The following STON2 variants were observed in gnomAD, a reference collection of about 807,000 sequenced individuals.
The protein encoded by STON2 is stonin-2.
Under a neutral mutation model 65.7 loss-of-function variants are expected in STON2, and 29 were observed. The ratio of observed to expected loss-of-function variants is 0.44; its 90% CI spans 0.33 to 0.60. The LOEUF (loss-of-function observed/expected upper bound fraction) is 0.60, where lower values mean the gene tolerates loss of function less well. Ranked by LOEUF, STON2 falls within the 20% of genes least tolerant of loss-of-function variation. The pLI is 0.03. For synonymous variants in STON2, 404 were observed against 414.2 expected, an observed-to-expected ratio of 0.98 and a Z score of 0.30; for missense variants, 1,054 against 1,118.1, an observed-to-expected ratio of 0.94 and a Z score of 0.82.
chr14:81,381,942 G>A (rs1258524148), intron 3 of STON2, among the ~76,000 whole-genome samples: 3 of 152,220 alleles, frequency 2.0e-5, no homozygotes, highest in Non-Finnish European at 4.4e-5. Context: ...CAAATGGGCC[G>A]GGCACGGTGG....
rs147013592 is a variant in STON2, at chr14:81,418,554, T to TA, written c.-199+8547dup. On this transcript the variant is annotated intron_variant, in intron 2 of 8. Transcript: ENST00000553821. Reference sequence around the variant, plus strand: ...CTTAACGACTCTTAATACAGCTTTGTAAAAAAAAGGCAAAAAGTTACCAGC... The same window carrying TA: ...CTTAACGACTCTTAATACAGCTTTGTAAAAAAAAAGGCAAAAAGTTACCAGC... Among the ~76,000 whole-genome samples, 331 of 151,958 alleles carry TA rather than the reference T, an allele frequency of 2.2e-3. 1 individual carries two copies. The highest frequency in any genetic ancestry group is 3.8e-3 in the Non-Finnish European group (259 of 67,936).
chr14:81,379,121 T>A (rs1899392784), intron 3 of STON2, among the ~76,000 whole-genome samples: 1 of 152,180 alleles, frequency 6.6e-6, no homozygotes, highest in Admixed American at 6.5e-5. Context: ...ATATGTAAAA[T>A]AACCAAAAGA....
chr14:81,293,854 C>A (rs1237196414), intron 5 of STON2, among the ~76,000 whole-genome samples: 1 of 152,124 alleles, frequency 6.6e-6, no homozygotes, highest in Non-Finnish European at 1.5e-5. Flanking sequence ...TAGGGGAATG[C>A]TCAAGCACTG....
At chr14:81,352,193 C>CTAAT (rs1354118632) in intron 4 of STON2, among the ~76,000 whole-genome samples, 1 of 151,996 alleles carries the variant, frequency 6.6e-6, no homozygotes, top group Non-Finnish European at 1.5e-5. Context: ...AATACTACTA[C>CTAAT]TAATACAACC....
chr14:81,289,941 G>C (rs1289990220), intron 5 of STON2, among the ~76,000 whole-genome samples: 3 of 152,208 alleles, frequency 2.0e-5, no homozygotes, highest in African/African-American at 7.2e-5. Flanking sequence ...GCCTTAAAGA[G>C]AATGTCAAGT....
intron 4 of STON2, among the ~76,000 whole-genome samples, chr14:81,343,753 C>A (rs541795899): frequency 6.6e-6 from 1 of 152,284 alleles, no homozygotes; most frequent in Admixed American, 6.5e-5. Flanking sequence ...TACTCCTTAT[C>A]ATATTCCAGG....
At chr14:81,289,717 A>G (rs370814576) in intron 5 of STON2, among the ~76,000 whole-genome samples, 2 of 152,220 alleles carry the variant, frequency 1.3e-5, no homozygotes, top group African/African-American at 4.8e-5. Context: ...CTGAATAAAA[A>G]GCAAGCAGCT....
At chr14:81,319,280 T>G (rs1896738213) in intron 5 of STON2, among the ~76,000 whole-genome samples, 1 of 152,266 alleles carries the variant, frequency 6.6e-6, no homozygotes, top group Non-Finnish European at 1.5e-5. Context: ...ACTGCTTGCT[T>G]TGTTTTCTTA....
chr14:81,287,038 T>A (rs1895359449), intron 5 of STON2, among the ~76,000 whole-genome samples: 1 of 152,200 alleles, frequency 6.6e-6, no homozygotes, highest in African/African-American at 2.4e-5. Flanking sequence ...AATAAGTTAA[T>A]TAATTAAGGA....
chr14:81,319,945 C>T (rs1400449809), intron 5 of STON2, among the ~76,000 whole-genome samples: 1 of 152,160 alleles, frequency 6.6e-6, no homozygotes, highest in African/African-American at 2.4e-5. Context: ...TATCAGTTGG[C>T]TATGTTAGTA....
In STON2 at chr14:81,266,631, AG is replaced by A. The variant is rs1476968787; in HGVS notation, c.*1782del. On this transcript the variant is annotated 3_prime_UTR_variant, in exon 8 of 8. Transcript: ENST00000614646. ...TCAACCCTCCATTTAGATATGGACT[AG>A]ATGGAGGGTTAATAAAAGCATGTAA... is the stretch of plus-strand genomic sequence containing the variant. 1.0e-6 allele frequency: 1 copy of A among 970,634 alleles called. No homozygotes were observed. The highest frequency in any genetic ancestry group is 1.2e-6 in the Non-Finnish European group (1 of 816,588). 60.1% of individuals were successfully genotyped at this position (970,634 alleles called of 1,614,324 possible).
intron 2 of STON2, among the ~76,000 whole-genome samples, chr14:81,422,877 C>CA (rs1312198579): frequency 1.3e-5 from 2 of 151,466 alleles, no homozygotes; most frequent in Admixed American, 6.6e-5. Context: ...ACTAAAGATA[C>CA]AAAAAAAATT....
At chr14:81,281,023 A>G (rs1353814819) in intron 5 of STON2, among the ~76,000 whole-genome samples, 2 of 151,792 alleles carry the variant, frequency 1.3e-5, no homozygotes, top group Admixed American at 1.3e-4. Context: ...AAAAAAAAAA[A>G]AAAGAAAAGA....
At chr14:81,373,365 T>C (rs1051761955) in intron 3 of STON2, among the ~76,000 whole-genome samples, 1 of 152,074 alleles carries the variant, frequency 6.6e-6, no homozygotes, top group Admixed American at 6.5e-5. Flanking sequence ...AAGATAAAAA[T>C]TTTTTATAAA....
upstream of STON2, among the ~76,000 whole-genome samples, chr14:81,400,962 C>T (rs952207711): frequency 3.3e-5 from 5 of 152,340 alleles, no homozygotes; most frequent in African/African-American, 1.2e-4. Context: ...GTAACGATGA[C>T]AATGAAAACA....
intron 1 of STON2, among the ~76,000 whole-genome samples, chr14:81,433,109 T>C (rs1490322334): frequency 2.0e-5 from 3 of 152,144 alleles, no homozygotes; most frequent in African/African-American, 4.8e-5. Flanking sequence ...ACACTAAAGT[T>C]TGAGATCCAC....
At chr14:81,280,065 T>C (rs1895044309) in intron 5 of STON2, among the ~76,000 whole-genome samples, 1 of 152,234 alleles carries the variant, frequency 6.6e-6, no homozygotes, top group African/African-American at 2.4e-5. Context: ...GTAGGCAGTA[T>C]ATCAGGAGAA....
chr14:81,292,490 C>A (rs577784807), intron 5 of STON2, among the ~76,000 whole-genome samples: 13 of 152,142 alleles, frequency 8.5e-5, no homozygotes, highest in Non-Finnish European at 1.3e-4. Context: ...GGGCAAGTTA[C>A]CCCTGTGCTG....
chr14:81,266,965 T>C lies in STON2; in HGVS notation c.*1449A>G. 2 of 985,062 alleles carry C rather than the reference T, an allele frequency of 2.0e-6. No homozygotes were observed. The highest frequency in any genetic ancestry group is 2.4e-6 in the Non-Finnish European group (2 of 829,546). The allele number at this position is 985,062 out of a possible 1,614,324, so 61.0% of individuals were successfully genotyped here. On this transcript the variant is annotated 3_prime_UTR_variant, in exon 8 of 8. Transcript: ENST00000614646. ...TCTTAGTTCAGATATTTCAAAATAC[T>C]GTAACTATTTCTATATCCCAGTGTC...
Sources: gnomAD v4.1 joint callset for allele counts (sites outside exome capture counted in the v4.1 genomes callset) on GRCh38, gnomAD v4.1.1 for gene constraint, MANE v1.5 for transcripts, NCBI Gene and HGNC (gene_info 2026-07-23, HGNC 2026-07-21) for gene names.